KRT7: variants seen among roughly 807,000 people sequenced by gnomAD.
KRT7 encodes keratin 7.
In KRT7, 50 loss-of-function variants were observed where a neutral mutation model predicts 42.8. The ratio of observed to expected loss-of-function variants is 1.17; its 90% CI spans 0.93 to 1.48. The LOEUF (loss-of-function observed/expected upper bound fraction) is 1.48. Among genes scored for constraint, KRT7 ranks in the 40% most tolerant of loss-of-function variants. The probability of loss-of-function intolerance (pLI) is 0.00; values close to 1 mark genes in which losing one functional copy is unlikely to be tolerated. For synonymous variants in KRT7, 268 were observed against 266.3 expected (o/e 1.01, Z -0.06); for missense variants, 588 against 637.6 (o/e 0.92, Z 0.84).
intron 3 of KRT7, among the ~76,000 whole-genome samples, chr12:52,238,149 T>C (rs1943495321): frequency 6.6e-6 from 1 of 152,146 alleles, no homozygotes; most frequent in Non-Finnish European, 1.5e-5. Context: ...GGCCTGTCCG[T>C]AGGAGTTTAA....
intron 5 of KRT7, 72 bp from the exon 6 acceptor site, chr12:52,242,940 G>T: frequency 6.7e-7 from 1 of 1,498,860 alleles, no homozygotes. Flanking sequence ...GGGGCCTTGG[G>T]TGGGGAGAGG....
downstream of KRT7, chr12:52,250,556 G>T: frequency 8.1e-7 from 1 of 1,234,666 alleles, no homozygotes; most frequent in Non-Finnish European, 1.1e-6. Flanking sequence ...CGCTGCAGGG[G>T]GCACTGCAGA....
chr12:52,244,528 AG>A (rs1942141494), intron 6 of KRT7: 1 of 985,704 alleles, frequency 1.0e-6, no homozygotes, highest in Non-Finnish European at 1.2e-6. Context: ...AGAGTGTCAG[AG>A]GGCCTCCTGG....
At chr12:52,249,777 G>A (rs900522745), downstream of KRT7, among the ~76,000 whole-genome samples, 1 of 152,082 alleles carries the variant, frequency 6.6e-6, no homozygotes, top group Non-Finnish European at 1.5e-5. Context: ...TGGTGTGGAT[G>A]GGGGAGCTAT....
intron 4 of KRT7, among the ~76,000 whole-genome samples, chr12:52,241,083 T>G (rs1942081424): frequency 6.6e-6 from 1 of 152,114 alleles, no homozygotes; most frequent in Non-Finnish European, 1.5e-5. Context: ...TGGAGCCATA[T>G]CATCGGTGTA....
chr12:52,245,130 C>T, intron 6 of KRT7: 1 of 537,736 alleles, frequency 1.9e-6, no homozygotes, highest in African/African-American at 1.9e-5. Flanking sequence ...CTCATTTCAT[C>T]CTCAAAATCT....
intron 4 of KRT7, 126 bp downstream of exon 4, chr12:52,238,901 C>T (rs1396055602): frequency 3.1e-6 from 2 of 646,610 alleles, no homozygotes; most frequent in Non-Finnish European, 5.6e-6. Context: ...ACTCATCCGT[C>T]CAAACCCAAA....
At chr12:52,253,342 G>A (rs751148775), downstream of KRT7, 5 of 1,612,526 alleles carry the variant, frequency 3.1e-6, no homozygotes, top group Admixed American at 6.7e-5. Flanking sequence ...CCTCACACTG[G>A]GGAAGTAGAG....
intron 4 of KRT7, among the ~76,000 whole-genome samples, chr12:52,240,461 G>A (rs903641772): frequency 1.3e-5 from 2 of 151,886 alleles, no homozygotes; most frequent in Non-Finnish European, 2.9e-5. Flanking sequence ...GAAACCCCGT[G>A]TCTACTAAAA....
chr12:52,253,403 A>G, downstream of KRT7: 1 of 1,593,746 alleles, frequency 6.3e-7, no homozygotes, highest in Non-Finnish European at 8.6e-7. Flanking sequence ...GACACCACGG[A>G]TGATTGTGCA....
chr12:52,249,781 G>A (rs1191796233), downstream of KRT7, among the ~76,000 whole-genome samples: 1 of 152,152 alleles, frequency 6.6e-6, no homozygotes, highest in Non-Finnish European at 1.5e-5. Flanking sequence ...GTGGATGGGG[G>A]AGCTATGTGG....
At chr12:52,244,223 G>A (rs1442341167) in intron 6 of KRT7, 1 of 698,416 alleles carries the variant, frequency 1.4e-6, no homozygotes, top group Non-Finnish European at 1.8e-6. Flanking sequence ...CAGGAGGGCG[G>A]AGGCTGCCTT....
At chr12:52,250,501 T>C, downstream of KRT7, 2 of 720,502 alleles carry the variant, frequency 2.8e-6, no homozygotes, top group Non-Finnish European at 4.8e-6. Flanking sequence ...CTGCCGCTGC[T>C]CTGGCCGCAG....
downstream of KRT7, chr12:52,253,724 C>G (rs772930464): frequency 6.3e-6 from 8 of 1,262,372 alleles, no homozygotes; most frequent in Non-Finnish European, 6.6e-6. Context: ...TCTTGACGAC[C>G]ACTGAGGTGT....
In KRT7 at chr12:52,235,245, G is replaced by A. The variant is rs202085629; in HGVS notation, c.415G>A (p.Asp139Asn). The A allele has an allele frequency of 1.2e-4, 193 of 1,614,200 alleles. No individual in the cohort carries two copies. The East Asian group carries it at 4.0e-3, about 33-fold the overall frequency. Residue 139 changes from aspartate to asparagine, a missense_variant, in exon 2 of 9, where the codon GAC becomes AAC. By Grantham distance (23) the Asp-to-Asn change is conservative. Coordinates refer to ENST00000331817, the MANE Select transcript of KRT7 (RefSeq NM_005556.4). The part of the protein sequence containing the change: ...QKSAKSSRLP[D>N]IFEAQIAGLR... The stretch of plus-strand genomic sequence containing the variant: ...GTCGGCCAAGAGCAGCCGCCTCCCA[G>A]ACATCTTTGAGGCCCAGATTGCTGG...
At chr12:52,253,292 C>T (rs199658039), downstream of KRT7, 42 of 1,612,692 alleles carry the variant, frequency 2.6e-5, no homozygotes, top group East Asian at 1.1e-4. Flanking sequence ...CTTGGTGCGG[C>T]GCAGGGTCTC....
chr12:52,245,535 C>T lies in KRT7; in HGVS notation c.1108C>T (p.Arg370Trp), dbSNP rs148429275. The T allele has an allele frequency of 4.9e-5, 79 of 1,614,150 alleles. 1 individual carries two copies. The highest frequency in any genetic ancestry group is 3.3e-4 in the Middle Eastern group (2 of 6,036). ...GCAGCGGGGCAAGCAGGATATGGCACGGCAGCTGCGTGAGTACCAGGAACT... is the reference window on the plus strand; with the variant it reads ...GCAGCGGGGCAAGCAGGATATGGCATGGCAGCTGCGTGAGTACCAGGAACT... ...ALQRGKQDMA[R>W]QLREYQELMS... Residue 370 changes from arginine to tryptophan, a missense_variant, in exon 7 of 9, where the codon CGG (arginine) becomes TGG (tryptophan). Physicochemically the swap from Arg to Trp is moderately radical, Grantham distance 101 (BLOSUM62 -3). Transcript: ENST00000331817.
At chr12:52,252,599 G>C (rs1942284051), downstream of KRT7, 7 of 1,336,462 alleles carry the variant, frequency 5.2e-6, no homozygotes, top group Non-Finnish European at 7.1e-6. Flanking sequence ...TGTTAGGCCA[G>C]GGGTTGCAAA....
chr12:52,241,087 C>A (rs142036955), intron 4 of KRT7, among the ~76,000 whole-genome samples: 1 of 152,114 alleles, frequency 6.6e-6, no homozygotes, highest in Non-Finnish European at 1.5e-5. Flanking sequence ...GCCATATCAT[C>A]GGTGTACAGA....
Sources: allele counts gnomAD v4.1 joint callset (sites outside exome capture counted in the v4.1 genomes callset), GRCh38; gene constraint gnomAD v4.1.1; transcripts MANE v1.5; gene names NCBI Gene and HGNC (gene_info 2026-07-23, HGNC 2026-07-21).